Variants in PLCL1 observed in about 807,000 individuals in gnomAD.
PLCL1 encodes phospholipase C like 1 (inactive), also known as inactive phospholipase C-like protein 1.
In PLCL1, 41 loss-of-function variants were observed where a neutral mutation model predicts 84.4. That is an observed-to-expected ratio of 0.49 (90% CI 0.38 to 0.63). The LOEUF (loss-of-function observed/expected upper bound fraction) is 0.63, where lower values mean the gene tolerates loss of function less well. Ranked by LOEUF, PLCL1 falls within the 30% of genes least tolerant of loss-of-function variation. PLCL1 has a pLI of 0.00. For synonymous variants in PLCL1, 490 were observed against 488.3 expected, an observed-to-expected ratio of 1.00 and a Z score of -0.05; for missense variants, 1,206 against 1,367.8, an observed-to-expected ratio of 0.88 and a Z score of 1.87.
intron 1 of PLCL1, among the ~76,000 whole-genome samples, chr2:198,081,609 G>A (rs1692716211): frequency 6.6e-6 from 1 of 152,178 alleles, no homozygotes. Context: ...GAGCTAAGTT[G>A]TCAAATGCCA....
rs186540631 is a variant in PLCL1 at position 197,890,736 on chromosome 2, G to C, written c.240+85397G>C. Among the ~76,000 whole-genome samples the C allele has an allele frequency of 2.4e-3, 286 of 120,428 alleles. 2 individuals carry two copies. Among genetic ancestry groups the C allele is most frequent in the African/African-American group, 9.7e-3 (267 of 27,578 alleles). 79.0% of individuals were successfully genotyped at this position (120,428 alleles called of 152,430 possible). ...CATATACGTATATATGCATATGTAC[G>C]TATATATGTATACGTATGTATATAT... On this transcript the variant is annotated intron_variant, in intron 1 of 5. Coordinates refer to ENST00000428675, the MANE Select transcript of PLCL1 (RefSeq NM_006226.4).
chr2:198,127,321 C>A (rs915576405), intron 5 of PLCL1, among the ~76,000 whole-genome samples: 1 of 152,108 alleles, frequency 6.6e-6, no homozygotes, highest in Admixed American at 6.5e-5. Context: ...AACCTGAGAG[C>A]TTTACATCAT....
At position 198,100,302 on chromosome 2, in the gene PLCL1, G is replaced by T. The variant is rs527624857; in HGVS notation, c.2920-983G>T. Among the ~76,000 whole-genome samples the T allele has an allele frequency of 3.1e-4, 47 of 152,094 alleles. No homozygotes were observed. The South Asian group carries it at 4.8e-3, about 15-fold the overall frequency. On this transcript the variant is annotated intron_variant, in intron 3 of 5. Transcript: ENST00000428675. ...AATATAGGTAAAGAATAAATCATAAGATAGAAAATAAAAAAATTCCATGAA... is the reference window on the plus strand; with the variant it reads ...AATATAGGTAAAGAATAAATCATAATATAGAAAATAAAAAAATTCCATGAA...
intron 1 of PLCL1, among the ~76,000 whole-genome samples, chr2:197,889,496 C>T (rs1324090115): frequency 6.6e-6 from 1 of 152,040 alleles, no homozygotes. Flanking sequence ...TTTTAATATT[C>T]TGTCAAACAT....
intron 1 of PLCL1, among the ~76,000 whole-genome samples, chr2:198,026,462 T>C (rs1691268054): frequency 6.6e-6 from 1 of 152,210 alleles, no homozygotes; most frequent in Non-Finnish European, 1.5e-5. Context: ...GTTGTTATCA[T>C]TTCTATGTTA....
intron 1 of PLCL1, among the ~76,000 whole-genome samples, chr2:198,052,250 A>G (rs567352273): frequency 6.6e-6 from 1 of 151,994 alleles, no homozygotes; most frequent in African/African-American, 2.4e-5. Flanking sequence ...GGGTTTCACC[A>G]TGTTGGCCAG....
intron 1 of PLCL1, among the ~76,000 whole-genome samples, chr2:198,054,974 A>G (rs1283973970): frequency 6.6e-6 from 1 of 152,174 alleles, no homozygotes; most frequent in African/African-American, 2.4e-5. Flanking sequence ...ACAAATATAA[A>G]AACATTTTGG....
At chr2:197,931,675 A>ACCTC (rs1559048801) in intron 1 of PLCL1, among the ~76,000 whole-genome samples, 4 of 90,680 alleles carry the variant, frequency 4.4e-5, no homozygotes, top group East Asian at 2.5e-4. Context: ...CAACCAACCA[A>ACCTC]CCACCCACCC....
At chr2:198,107,611 G>A (rs1163677928) in intron 5 of PLCL1, among the ~76,000 whole-genome samples, 1 of 151,904 alleles carries the variant, frequency 6.6e-6, no homozygotes, top group Non-Finnish European at 1.5e-5. Flanking sequence ...GGAGAAATGA[G>A]GTTTTTGTTA....
At chr2:197,806,628 C>T (rs903237992) in intron 1 of PLCL1, among the ~76,000 whole-genome samples, 2 of 152,106 alleles carry the variant, frequency 1.3e-5, no homozygotes, top group African/African-American at 4.8e-5. Context: ...CAGGAGTGTT[C>T]TATTCTGGGT....
intron 1 of PLCL1, among the ~76,000 whole-genome samples, chr2:197,812,529 A>G (rs1029018243): frequency 7.9e-5 from 12 of 152,082 alleles, no homozygotes; most frequent in African/African-American, 2.7e-4. Flanking sequence ...TTTGATTTAC[A>G]TTTTTCTAAT....
At chr2:197,931,378 T>G (rs1175877903) in intron 1 of PLCL1, among the ~76,000 whole-genome samples, 1 of 152,172 alleles carries the variant, frequency 6.6e-6, no homozygotes, top group Non-Finnish European at 1.5e-5. Context: ...GATAAAGTCA[T>G]TGATAGAACT....
At chr2:198,081,389 G>A (rs1002416795) in intron 1 of PLCL1, among the ~76,000 whole-genome samples, 2 of 152,144 alleles carry the variant, frequency 1.3e-5, no homozygotes, top group African/African-American at 2.4e-5. Context: ...TCCTGTCTCA[G>A]CAATGCCATT....
At chr2:198,091,379 A>C (rs1373244850) in intron 3 of PLCL1, among the ~76,000 whole-genome samples, 1 of 152,188 alleles carries the variant, frequency 6.6e-6, no homozygotes, top group Non-Finnish European at 1.5e-5. Flanking sequence ...TCAGATCTGG[A>C]GTGAACATTT....
At chr2:197,971,785 A>C (rs570544818) in intron 1 of PLCL1, among the ~76,000 whole-genome samples, 27 of 152,322 alleles carry the variant, frequency 1.8e-4, no homozygotes, top group African/African-American at 6.5e-4. Context: ...CCAGATGAGC[A>C]TGTATCATCT....
chr2:197,952,038 T>C (rs920488056), intron 1 of PLCL1, among the ~76,000 whole-genome samples: 2 of 152,178 alleles, frequency 1.3e-5, no homozygotes, highest in African/African-American at 4.8e-5. Flanking sequence ...GATAGGATCC[T>C]GTCACTGTGA....
At chr2:197,891,509 T>C (rs1396466130) in intron 1 of PLCL1, among the ~76,000 whole-genome samples, 1 of 151,186 alleles carries the variant, frequency 6.6e-6, no homozygotes, top group Non-Finnish European at 1.5e-5. Context: ...GGGGCTAAGG[T>C]GGAATTGGAA....
intron 1 of PLCL1, among the ~76,000 whole-genome samples, chr2:197,820,304 A>C (rs1308842900): frequency 2.0e-5 from 3 of 152,158 alleles, no homozygotes; most frequent in Admixed American, 6.6e-5. Flanking sequence ...CTACAAACTT[A>C]GTGGCTTAAA....
At chr2:197,896,225 C>G (rs1316905022) in intron 1 of PLCL1, among the ~76,000 whole-genome samples, 1 of 151,858 alleles carries the variant, frequency 6.6e-6, no homozygotes, top group Non-Finnish European at 1.5e-5. Flanking sequence ...ATTATTCTAT[C>G]TAGTGTACAA....
Sources: allele counts gnomAD v4.1 joint callset (sites outside exome capture counted in the v4.1 genomes callset), GRCh38; gene constraint gnomAD v4.1.1; transcripts MANE v1.5; gene names NCBI Gene and HGNC (gene_info 2026-07-23, HGNC 2026-07-21).